Variants in RFX3 observed in about 807,000 individuals in gnomAD.
RFX3 encodes the protein regulatory factor X3.
In RFX3, 14 loss-of-function variants were observed where a neutral mutation model predicts 98.6. That is an observed-to-expected ratio of 0.14 (90% confidence interval 0.09 to 0.22). The LOEUF (loss-of-function observed/expected upper bound fraction) is 0.22, where lower values mean the gene tolerates loss of function less well. Ranked by LOEUF, RFX3 falls within the 10% of genes least tolerant of loss-of-function variation. The pLI, the probability that RFX3 is intolerant of heterozygous loss-of-function variation, is 1.00. For synonymous variants in RFX3, 383 were observed against 328.4 expected (o/e 1.17, Z -1.80); for missense variants, 639 against 926.9 (o/e 0.69, Z 4.03).
intron 2 of RFX3, among the ~76,000 whole-genome samples, chr9:3,370,092 C>T (rs1465635238): frequency 1.3e-5 from 2 of 150,644 alleles, no homozygotes; most frequent in Admixed American, 6.6e-5. Flanking sequence ...CCGCCCGCCT[C>T]GGCCTCCCAG....
intron 1 of RFX3, among the ~76,000 whole-genome samples, chr9:3,511,176 C>T (rs566807824): frequency 1.3e-5 from 2 of 152,056 alleles, no homozygotes; most frequent in Non-Finnish European, 2.9e-5. Context: ...CTGTATTTAC[C>T]TCTTCATATC....
intron 1 of RFX3, among the ~76,000 whole-genome samples, chr9:3,513,868 G>C (rs1234934180): frequency 1.3e-5 from 2 of 152,078 alleles, no homozygotes; most frequent in Admixed American, 6.6e-5. Context: ...TCAAATCTTT[G>C]CTGAAATATA....
intron 7 of RFX3, among the ~76,000 whole-genome samples, chr9:3,285,379 G>T: frequency 6.6e-6 from 1 of 151,506 alleles, no homozygotes; most frequent in East Asian, 1.9e-4. Context: ...ATTTTTTTAA[G>T]CCATAAAATA....
intron 1 of RFX3, among the ~76,000 whole-genome samples, chr9:3,509,182 T>C (rs976302792): frequency 6.6e-6 from 1 of 152,070 alleles, no homozygotes; most frequent in Admixed American, 6.6e-5. Flanking sequence ...CGTTCATATA[T>C]TCATTCTGTT....
At chr9:3,250,121 G>C (rs1019557201) in intron 14 of RFX3, among the ~76,000 whole-genome samples, 1 of 151,320 alleles carries the variant, frequency 6.6e-6, no homozygotes, top group East Asian at 1.9e-4. Context: ...TATTCCTATG[G>C]TAAAAAAAAT....
At chr9:3,516,125 T>A (rs931913471) in intron 1 of RFX3, among the ~76,000 whole-genome samples, 3 of 152,108 alleles carry the variant, frequency 2.0e-5, no homozygotes, top group Non-Finnish European at 4.4e-5. Context: ...CTCGGCTCAC[T>A]GCAAGCTCCA....
At chr9:3,521,729 T>G (rs947483725) in intron 1 of RFX3, among the ~76,000 whole-genome samples, 4 of 152,200 alleles carry the variant, frequency 2.6e-5, no homozygotes, top group Non-Finnish European at 5.9e-5. Flanking sequence ...TTGAAAATAC[T>G]TAACCAACAA....
At chr9:3,367,412 TA>T (rs1277864296) in intron 2 of RFX3, among the ~76,000 whole-genome samples, 1 of 152,174 alleles carries the variant, frequency 6.6e-6, no homozygotes, top group African/African-American at 2.4e-5. Flanking sequence ...CCAGGATCTC[TA>T]AACAAAAGCC....
intron 1 of RFX3, among the ~76,000 whole-genome samples, chr9:3,430,405 T>G (rs12339955): frequency 0.18 from 26,633 of 152,154 alleles, 3,387 homozygotes; most frequent in African/African-American, 0.36. Context: ...GCTTTAATTT[T>G]AGTATCAGTT....
chr9:3,418,294 T>G (rs58947390), intron 1 of RFX3, among the ~76,000 whole-genome samples: 1 of 152,234 alleles, frequency 6.6e-6, no homozygotes, highest in Admixed American at 6.5e-5. Flanking sequence ...TCTGTGGGCT[T>G]ACAACAGTGC....
chr9:3,243,667 G>C (rs1423661269), intron 15 of RFX3, among the ~76,000 whole-genome samples: 2 of 152,122 alleles, frequency 1.3e-5, no homozygotes, highest in Non-Finnish European at 2.9e-5. Flanking sequence ...TTATTGAAAA[G>C]ATACATTCAT....
chr9:3,472,847 G>T (rs975762907), intron 1 of RFX3, among the ~76,000 whole-genome samples: 1 of 152,118 alleles, frequency 6.6e-6, no homozygotes, highest in Non-Finnish European at 1.5e-5. Flanking sequence ...CTATGCAATA[G>T]TTATTTTCTG....
chr9:3,413,003 T>G (rs1210157696), intron 1 of RFX3, among the ~76,000 whole-genome samples: 2 of 152,090 alleles, frequency 1.3e-5, no homozygotes, highest in African/African-American at 4.8e-5. Context: ...ACTTCTTTAA[T>G]TGGTTAAAGC....
chr9:3,475,520 G>C (rs1296975967), intron 1 of RFX3, among the ~76,000 whole-genome samples: 6 of 152,202 alleles, frequency 3.9e-5, no homozygotes, highest in Admixed American at 3.3e-4. Flanking sequence ...CAGACAGAGA[G>C]AGAGGGAGAG....
intron 5 of RFX3, among the ~76,000 whole-genome samples, chr9:3,299,379 T>C (rs1012095480): frequency 6.6e-6 from 1 of 151,736 alleles, no homozygotes; most frequent in African/African-American, 2.4e-5. Context: ...AGGAAGAAAC[T>C]AACCTCACTG....
At chr9:3,244,959 G>A (rs683618) in intron 15 of RFX3, among the ~76,000 whole-genome samples, 150,000 of 152,332 alleles carry the variant, frequency 0.98, 73,891 homozygotes, top group Middle Eastern at 1. Context: ...TGATAAATCA[G>A]TTTCGGAGAT....
chr9:3,307,498 A>G (rs1293240293), intron 4 of RFX3, among the ~76,000 whole-genome samples: 1 of 152,166 alleles, frequency 6.6e-6, no homozygotes, highest in Non-Finnish European at 1.5e-5. Context: ...AACTGGTGAT[A>G]ACACTGCAGT....
intron 15 of RFX3, among the ~76,000 whole-genome samples, chr9:3,233,429 T>G (rs898853283): frequency 3.3e-5 from 5 of 152,212 alleles, no homozygotes; most frequent in Non-Finnish European, 7.3e-5. Context: ...CAGCAACAGC[T>G]GACTTTTCAT....
At position 3,268,736 on chromosome 9, in the gene RFX3, T is replaced by A. The variant is rs553589918; in HGVS notation, c.1357+1635A>T. Among the ~76,000 whole-genome samples, 7 of 152,052 alleles carry A rather than the reference T, an allele frequency of 4.6e-5. No individual in the cohort carries two copies. The South Asian group carries it at 1.2e-3, about 27-fold the overall frequency. ...TTAAAATTATGGGCTTGAATTAAACTAAAATTGATACAAGATTTAAAACAG... is the reference window on the plus strand; with the variant it reads ...TTAAAATTATGGGCTTGAATTAAACAAAAATTGATACAAGATTTAAAACAG... On this transcript the variant is annotated intron_variant, in intron 11 of 16. Transcript: ENST00000617270.
Sources: gnomAD v4.1 joint callset for allele counts (sites outside exome capture counted in the v4.1 genomes callset) on GRCh38, gnomAD v4.1.1 for gene constraint, MANE v1.5 for transcripts, NCBI Gene and HGNC (gene_info 2026-07-23, HGNC 2026-07-21) for gene names.